Variants in METTL8 observed in about 807,000 individuals in gnomAD.
METTL8 encodes tRNA N(3)-cytidine methyltransferase METTL8, mitochondrial.
METTL8 carries 32 observed loss-of-function variants against 48.7 expected under a neutral mutation model. The observed-to-expected ratio is 0.66, with a 90% confidence interval of 0.50 to 0.88. METTL8 has a LOEUF of 0.88. Among genes scored for constraint, METTL8 ranks in the 40% least tolerant of loss-of-function variants. The pLI, the probability that METTL8 is intolerant of heterozygous loss-of-function variation, is 0.00. For missense variants in METTL8, 464 were observed against 474.4 expected, an observed-to-expected ratio of 0.98 and a Z score of 0.20; for synonymous variants, 136 against 157.1, an observed-to-expected ratio of 0.87 and a Z score of 1.01.
chr2:171,415,326 T>C (rs1691196599), intron 1 of METTL8, among the ~76,000 whole-genome samples: 2 of 151,946 alleles, frequency 1.3e-5, no homozygotes, highest in African/African-American at 4.8e-5. Context: ...TCCTTGCATT[T>C]TCTTCTTAAT....
At chr2:171,429,832 G>T (rs559154330) in intron 1 of METTL8, among the ~76,000 whole-genome samples, 2 of 152,240 alleles carry the variant, frequency 1.3e-5, no homozygotes, top group Non-Finnish European at 2.9e-5. Context: ...CTGAGGTCAG[G>T]AGTTTGAGAC....
At chr2:171,326,261 C>A (rs1054736629) in intron 7 of METTL8, 113 bp from the exon 8 acceptor site, 8 of 624,914 alleles carry the variant, frequency 1.3e-5, no homozygotes, top group Admixed American at 3.4e-5. Context: ...CCAAAGAAAT[C>A]TAAACCATAA....
intron 1 of METTL8, among the ~76,000 whole-genome samples, chr2:171,418,093 G>A (rs1465659023): frequency 6.6e-6 from 1 of 152,000 alleles, no homozygotes; most frequent in Non-Finnish European, 1.5e-5. Context: ...ACAGGTGCCC[G>A]CCACCATGCC....
At chr2:171,418,311 C>G (rs1436937673) in intron 1 of METTL8, among the ~76,000 whole-genome samples, 2 of 152,004 alleles carry the variant, frequency 1.3e-5, no homozygotes, top group East Asian at 3.9e-4. Flanking sequence ...TTTATGAAGA[C>G]CTTGACAGTT....
intron 3 of METTL8, among the ~76,000 whole-genome samples, chr2:171,352,615 GT>G (rs1684061982): frequency 1.3e-5 from 2 of 152,240 alleles, no homozygotes; most frequent in South Asian, 4.1e-4. Flanking sequence ...TTTTTGGTTG[GT>G]AGGCTCTTAA....
At chr2:171,425,589 G>A (rs901134077) in intron 1 of METTL8, among the ~76,000 whole-genome samples, 27 of 152,202 alleles carry the variant, frequency 1.8e-4, no homozygotes, top group Admixed American at 1.2e-3. Flanking sequence ...ATGGAATTGT[G>A]TCAATATCCA....
intron 2 of METTL8, among the ~76,000 whole-genome samples, chr2:171,372,647 C>T (rs979105755): frequency 3.3e-5 from 5 of 152,032 alleles, no homozygotes; most frequent in African/African-American, 1.2e-4. Flanking sequence ...CCACACCCCA[C>T]AACAGGCCCC....
rs182802972 is a variant in METTL8 at position 171,328,732 on chromosome 2, C to T, written c.860+1827G>A. Among the ~76,000 whole-genome samples, 5 of 152,276 alleles carry T rather than the reference C, an allele frequency of 3.3e-5. No individual in the cohort carries two copies. The East Asian group carries it at 5.8e-4, about 18-fold the overall frequency. On this transcript the variant is annotated intron_variant, in intron 7 of 9. Transcript: ENST00000375258. ...TTTGAGACGGAGTCTCTGTCTTGCCCAGGCTGGAGTGCAGTGGCATGATCT... is the reference window on the plus strand; with the variant it reads ...TTTGAGACGGAGTCTCTGTCTTGCCTAGGCTGGAGTGCAGTGGCATGATCT...
chr2:171,334,029 T>C (rs1358675584), intron 5 of METTL8, among the ~76,000 whole-genome samples: 1 of 152,092 alleles, frequency 6.6e-6, no homozygotes, highest in East Asian at 1.9e-4. Flanking sequence ...TTAAAGGAGA[T>C]TGTTTTTGCC....
At chr2:171,330,047 G>A (rs1456347962) in intron 7 of METTL8, among the ~76,000 whole-genome samples, 13 of 152,198 alleles carry the variant, frequency 8.5e-5, no homozygotes, top group Admixed American at 8.5e-4. Flanking sequence ...GCTAACCTTA[G>A]ATCATAAAGG....
intron 3 of METTL8, among the ~76,000 whole-genome samples, chr2:171,345,160 G>A (rs1206203567): frequency 3.3e-5 from 5 of 152,124 alleles, no homozygotes; most frequent in Non-Finnish European, 7.4e-5. Flanking sequence ...TTTAACTACA[G>A]CCCAATGAAG....
At chr2:171,418,165 G>C (rs928223592) in intron 1 of METTL8, among the ~76,000 whole-genome samples, 2 of 152,108 alleles carry the variant, frequency 1.3e-5, no homozygotes, top group Admixed American at 6.5e-5. Flanking sequence ...GGATGGTCTC[G>C]ATCTCCTGAC....
intron 2 of METTL8, among the ~76,000 whole-genome samples, chr2:171,368,237 G>A (rs1352515170): frequency 6.6e-6 from 1 of 152,202 alleles, no homozygotes; most frequent in African/African-American, 2.4e-5. Context: ...TGGAAAGCAT[G>A]CACTTCTTAC....
At chr2:171,384,405 G>C (rs578009671) in intron 2 of METTL8, among the ~76,000 whole-genome samples, 2 of 152,330 alleles carry the variant, frequency 1.3e-5, no homozygotes, top group South Asian at 4.1e-4. Context: ...AGCTACTTGG[G>C]AGGCTGAGGT....
rs1477918547 is a variant in METTL8, at chr2:171,320,855, A to G, written c.*3317T>C. The G allele has an allele frequency of 6.6e-6, 1 of 152,174 alleles. No individual in the cohort carries two copies. The highest frequency in any genetic ancestry group is 1.5e-5 in the Non-Finnish European group (1 of 68,026). The allele number at this position is 152,174 out of a possible 1,614,324, so 9.4% of individuals were successfully genotyped here. On this transcript the variant is annotated 3_prime_UTR_variant, in exon 10 of 10. Coordinates refer to ENST00000375258, the MANE Select transcript of METTL8 (RefSeq NM_001321154.2). The stretch of plus-strand genomic sequence containing the variant: ...GACCTCACTCCATTCCATTCTATAG[A>G]CAACTCCTCAACCTCTCTCAATACA...
intron 2 of METTL8, among the ~76,000 whole-genome samples, chr2:171,379,128 G>C (rs1687264714): frequency 6.6e-6 from 1 of 152,102 alleles, no homozygotes; most frequent in African/African-American, 2.4e-5. Context: ...ACAACTATAT[G>C]GAAATTGAAC....
At chr2:171,344,540 T>C (rs1181418021) in intron 3 of METTL8, among the ~76,000 whole-genome samples, 1 of 152,234 alleles carries the variant, frequency 6.6e-6, no homozygotes, top group Non-Finnish European at 1.5e-5. Context: ...TGATTGGAGT[T>C]ACCCTTCATT....
chr2:171,378,314 C>T (rs932941433), intron 2 of METTL8, among the ~76,000 whole-genome samples: 6 of 152,144 alleles, frequency 3.9e-5, no homozygotes, highest in African/African-American at 1.4e-4. Flanking sequence ...AGACTTTAAA[C>T]CAACAAAGAT....
chr2:171,377,338 TA>T, intron 2 of METTL8, among the ~76,000 whole-genome samples: 1 of 151,636 alleles, frequency 6.6e-6, no homozygotes, highest in African/African-American at 2.4e-5. Context: ...AAAACAAAAA[TA>T]AATATAACAA....
Sources: allele counts gnomAD v4.1 joint callset (sites outside exome capture counted in the v4.1 genomes callset), GRCh38; gene constraint gnomAD v4.1.1; transcripts MANE v1.5; gene names NCBI Gene and HGNC (gene_info 2026-07-23, HGNC 2026-07-21).